Variants in PIAS1 observed in about 807,000 individuals in gnomAD.
PIAS1 encodes the protein protein inhibitor of activated STAT 1.
A neutral mutation model predicts 71.3 loss-of-function variants in PIAS1; 6 were observed. The ratio of observed to expected loss-of-function variants is 0.08; its 90% CI spans 0.05 to 0.17. PIAS1 has a LOEUF of 0.17. Among genes scored for constraint, PIAS1 ranks in the 10% least tolerant of loss-of-function variants. PIAS1 has a pLI of 1.00. For missense variants in PIAS1, 555 were observed against 793.6 expected, an observed-to-expected ratio of 0.70 and a Z score of 3.61; for synonymous variants, 303 against 292.9, an observed-to-expected ratio of 1.03 and a Z score of -0.35.
At chr15:68,131,202 T>C (rs1406203207) in intron 2 of PIAS1, among the ~76,000 whole-genome samples, 1 of 152,162 alleles carries the variant, frequency 6.6e-6, no homozygotes, top group Non-Finnish European at 1.5e-5. Flanking sequence ...GTAGAAAAAG[T>C]GTTCTTTAAC....
chr15:68,155,097 GCCAA>G (rs1489373157), intron 7 of PIAS1, among the ~76,000 whole-genome samples: 2 of 152,162 alleles, frequency 1.3e-5, no homozygotes, highest in Non-Finnish European at 1.5e-5. Flanking sequence ...CAACAATAAG[GCCAA>G]CTGTCTTTGC....
Position 68,173,667 on chromosome 15 carries a change from T to A in PIAS1, c.1009-65T>A. On this transcript the variant is annotated intron_variant, in intron 8 of 13. Coordinates refer to ENST00000249636, the MANE Select transcript of PIAS1 (RefSeq NM_016166.3). This position sits in a 1 kb window ranked among gnomAD's most constrained non-coding sequence, Gnocchi z 4.3. ...TGCCTACCTGTTGTGTTCTAGGAAATTTTTGTCAAAGCTTAAATGTTGAAT... is the reference window on the plus strand; with the variant it reads ...TGCCTACCTGTTGTGTTCTAGGAAAATTTTGTCAAAGCTTAAATGTTGAAT... The A allele has an allele frequency of 1.6e-6, 2 of 1,248,872 alleles. No homozygotes were observed. Among genetic ancestry groups the A allele is most frequent in the Non-Finnish European group, 2.2e-6 (2 of 929,662 alleles). 77.4% of individuals were successfully genotyped at this position (1,248,872 alleles called of 1,614,324 possible).
At chr15:68,124,451 G>C (rs2092635972) in intron 2 of PIAS1, among the ~76,000 whole-genome samples, 1 of 151,294 alleles carries the variant, frequency 6.6e-6, no homozygotes, top group Admixed American at 6.6e-5. Flanking sequence ...GCCAGGTGTG[G>C]TGGTTCACTC....
At chr15:68,106,166 C>T (rs1401092400) in intron 2 of PIAS1, among the ~76,000 whole-genome samples, 4 of 151,868 alleles carry the variant, frequency 2.6e-5, no homozygotes, top group Non-Finnish European at 4.4e-5. Context: ...TACATTTTCA[C>T]ACATGAATAT....
chr15:68,150,754 T>A (rs1254419439), intron 6 of PIAS1, among the ~76,000 whole-genome samples: 1 of 152,166 alleles, frequency 6.6e-6, no homozygotes, highest in South Asian at 2.1e-4. Context: ...CACAAGATGC[T>A]CTAAAATTCA....
chr15:68,150,008 C>T (rs1206073174), intron 6 of PIAS1, among the ~76,000 whole-genome samples: 1 of 151,928 alleles, frequency 6.6e-6, no homozygotes, highest in South Asian at 2.1e-4. Context: ...ATTTCTCTTA[C>T]TGGATTTTTT....
chr15:68,089,843 A>G (rs139785170), intron 2 of PIAS1, among the ~76,000 whole-genome samples: 5,356 of 152,094 alleles, frequency 0.035, 106 homozygotes, highest in Non-Finnish European at 0.056. Context: ...GGTGTGAGCC[A>G]CTGCACCCGG....
chr15:68,062,559 T>A (rs1416779670), intron 1 of PIAS1, among the ~76,000 whole-genome samples: 2 of 152,362 alleles, frequency 1.3e-5, no homozygotes, highest in Non-Finnish European at 2.9e-5. Flanking sequence ...CCTAGGCGAC[T>A]GATAATCTAT....
chr15:68,070,938 G>A lies in PIAS1; in HGVS notation c.25-15368G>A, dbSNP rs185102412. Among the ~76,000 whole-genome samples, 253 of 152,192 alleles carry A rather than the reference G, an allele frequency of 1.7e-3. 1 individual carries two copies. Among genetic ancestry groups the A allele is most frequent in the African/African-American group, 6.0e-3 (248 of 41,528 alleles). ...GCCTGGCCTTTTTACTTTTTAAAAT[G>A]TGGCTAGTAGCACATTTAAAATTAC... On this transcript the variant is annotated intron_variant, in intron 1 of 13. Transcript: ENST00000249636.
chr15:68,103,190 G>C (rs2092442246), intron 2 of PIAS1, among the ~76,000 whole-genome samples: 1 of 152,086 alleles, frequency 6.6e-6, no homozygotes, highest in African/African-American at 2.4e-5. Context: ...CCCACCCAAA[G>C]AGCTAGGATT....
intron 7 of PIAS1, among the ~76,000 whole-genome samples, chr15:68,159,098 CT>C (rs1449353405): frequency 1.3e-5 from 2 of 152,146 alleles, no homozygotes; most frequent in Non-Finnish European, 2.9e-5. Flanking sequence ...CTAGCTGTAA[CT>C]TTATTATAGT....
chr15:68,150,786 T>TA (rs2092838454), intron 6 of PIAS1, among the ~76,000 whole-genome samples: 1 of 152,144 alleles, frequency 6.6e-6, no homozygotes, highest in Non-Finnish European at 1.5e-5. Context: ...TCAAAGGAGA[T>TA]ACTTGTTTGA....
intron 7 of PIAS1, 107 bp downstream of exon 7, chr15:68,153,802 T>A: frequency 1.6e-6 from 1 of 645,002 alleles, no homozygotes; most frequent in Non-Finnish European, 2.8e-6. Context: ...CTGGAGCCTG[T>A]TGTGTAGTTC....
At chr15:68,161,092 A>G (rs1301942073) in intron 7 of PIAS1, among the ~76,000 whole-genome samples, 2 of 152,248 alleles carry the variant, frequency 1.3e-5, no homozygotes, top group Non-Finnish European at 2.9e-5. Context: ...TAGAAATACT[A>G]TGTGAGTTTA....
chr15:68,079,595 T>C (rs2092207150), intron 1 of PIAS1, among the ~76,000 whole-genome samples: 2 of 151,700 alleles, frequency 1.3e-5, no homozygotes, highest in Admixed American at 1.3e-4. Context: ...GTCTCCTGAG[T>C]TCCTGGGTCT....
chr15:68,068,218 A>G (rs2092050488), intron 1 of PIAS1, among the ~76,000 whole-genome samples: 1 of 152,130 alleles, frequency 6.6e-6, no homozygotes, highest in Admixed American at 6.5e-5. Flanking sequence ...ACAAAAAAAT[A>G]CAAAAAGTAG....
intron 8 of PIAS1, among the ~76,000 whole-genome samples, chr15:68,169,363 G>C (rs955430127): frequency 2.0e-5 from 3 of 152,026 alleles, no homozygotes; most frequent in Non-Finnish European, 4.4e-5. Flanking sequence ...TTTTTATCAG[G>C]TGCTTATGTA....
chr15:68,160,838 A>G (rs769526308), intron 7 of PIAS1, among the ~76,000 whole-genome samples: 1 of 152,220 alleles, frequency 6.6e-6, no homozygotes, highest in Non-Finnish European at 1.5e-5. Flanking sequence ...AGTCTACACT[A>G]CAGCTGATAT....
rs952613841 is a variant in PIAS1 at position 68,171,479 on chromosome 15, G to A, written c.1009-2253G>A. Among the ~76,000 whole-genome samples the A allele has an allele frequency of 4.6e-5, 7 of 152,192 alleles. No individual in the cohort carries two copies. Among genetic ancestry groups the A allele is most frequent in the Non-Finnish European group, 8.8e-5 (6 of 68,050 alleles). On this transcript the variant is annotated intron_variant, in intron 8 of 13. Transcript: ENST00000249636. The surrounding 1 kb of genome is among the most constrained non-coding windows in gnomAD (Gnocchi z 4.4). ...GGTTCAGTGTTGACCAAAATGTTAT[G>A]TGGTGCTTGATTGTAATCATATGCA...
Sources: gnomAD v4.1 joint callset for allele counts (sites outside exome capture counted in the v4.1 genomes callset) on GRCh38, gnomAD v4.1.1 for gene constraint, Gnocchi (gnomAD v3.1) non-coding constraint, MANE v1.5 for transcripts, NCBI Gene and HGNC (gene_info 2026-07-23, HGNC 2026-07-21) for gene names.